Variants in MMP17 observed in about 807,000 individuals in gnomAD.
The protein encoded by MMP17 is matrix metalloproteinase-17.
Under a neutral mutation model 49.1 loss-of-function variants are expected in MMP17, and 54 were observed. The observed-to-expected ratio is 1.10, with a 90% CI of 0.88 to 1.38. The LOEUF (loss-of-function observed/expected upper bound fraction) is 1.38. Ranked by LOEUF, MMP17 falls within the 40% of genes most tolerant of loss-of-function variation. MMP17 has a pLI of 0.00. For synonymous variants in MMP17, 397 were observed against 383.1 expected, an observed-to-expected ratio of 1.04 and a Z score of -0.42; for missense variants, 837 against 853.7, an observed-to-expected ratio of 0.98 and a Z score of 0.24.
chr12:131,834,957 C>T (rs140130297), intron 1 of MMP17, among the ~76,000 whole-genome samples: 3 of 152,186 alleles, frequency 2.0e-5, no homozygotes, highest in Non-Finnish European at 2.9e-5. Context: ...TGGGCGAGGG[C>T]GCCTCGTGGG....
intron 5 of MMP17, among the ~76,000 whole-genome samples, chr12:131,842,139 T>C (rs1887448880): frequency 2.0e-5 from 3 of 152,192 alleles, no homozygotes; most frequent in Admixed American, 2.0e-4. Context: ...ACTTTACAGA[T>C]GAGAAAACTG....
At chr12:131,843,217 C>T (rs1248362950) in intron 5 of MMP17, among the ~76,000 whole-genome samples, 6 of 151,536 alleles carry the variant, frequency 4.0e-5, no homozygotes, top group South Asian at 2.1e-4. Flanking sequence ...CCACCCACCT[C>T]GGCCTCCCAA....
At position 131,838,509 on chromosome 12, in the gene MMP17, G is replaced by A. The variant is rs1456094589; in HGVS notation, c.293-103G>A. ...ATGACGTGGGAGGAGGGGGCGGCTCGGAGGCTGGTGCCAGAGTCAGGGCTC... is the reference window on the plus strand; with the variant it reads ...ATGACGTGGGAGGAGGGGGCGGCTCAGAGGCTGGTGCCAGAGTCAGGGCTC... On this transcript the variant is annotated intron_variant, in intron 2 of 9. Coordinates refer to ENST00000360564, the MANE Select transcript of MMP17 (RefSeq NM_016155.7). The A allele has an allele frequency of 8.8e-6, 13 of 1,483,180 alleles. No individual in the cohort carries two copies. The Admixed American group carries it at 1.2e-4, about 13-fold the overall frequency. 91.9% of individuals were successfully genotyped at this position (1,483,180 alleles called of 1,614,324 possible).
chr12:131,844,958 C>A, intron 6 of MMP17, 160 bp from the exon 7 acceptor site: 2 of 665,028 alleles, frequency 3.0e-6, no homozygotes, highest in Non-Finnish European at 5.2e-6. Flanking sequence ...GGACAGGCAC[C>A]CCCGTTTTAA....
rs1887689130 is a variant in MMP17 at position 131,846,072 on chromosome 12, G to A, written c.1204+623G>A. 6.6e-6 allele frequency among the ~76,000 whole-genome samples: 1 copy of A among 152,196 alleles called. No homozygotes were observed. ...CAAGTCTCCGGGAAGGGCAGGAAAG[G>A]GAGACAGTAGCAGGGGCAGGTGGGG... On this transcript the variant is annotated intron_variant, in intron 8 of 9. Transcript: ENST00000360564. The surrounding 1 kb of genome is among the most constrained non-coding windows in gnomAD (Gnocchi z 4.6).
rs544636398 is a variant in MMP17 at position 131,833,360 on chromosome 12, A to G, written c.159+4707A>G. On this transcript the variant is annotated intron_variant, in intron 1 of 9. Transcript: ENST00000360564. ...GCGTGTATGTGTTCAGGTGTTTGCT[A>G]TTTATCTTCCTCACGATCCCGTCTT... Among the ~76,000 whole-genome samples the G allele has an allele frequency of 5.9e-5, 9 of 152,318 alleles. No homozygotes were observed. In the East Asian group the frequency reaches 1.4e-3, roughly 23 times the overall value.
chr12:131,834,278 G>GCCTCCTC (rs979109577), intron 1 of MMP17, among the ~76,000 whole-genome samples: 16 of 148,312 alleles, frequency 1.1e-4, no homozygotes, highest in African/African-American at 3.7e-4. Flanking sequence ...GCCCCCTCCC[G>GCCTCCTC]CCTCCTCCCT....
rs10751701 is a variant in MMP17 at position 131,846,190 on chromosome 12, C to G, written c.1204+741C>G. ...GAGGCCACGAGTCCGAAATCAAGGG[C>G]TAGGCAGGGTGGGTCCCCTCTGGAG... On this transcript the variant is annotated intron_variant, in intron 8 of 9. Coordinates refer to ENST00000360564, the MANE Select transcript of MMP17 (RefSeq NM_016155.7). The surrounding 1 kb of genome is among the most constrained non-coding windows in gnomAD (Gnocchi z 4.6). Among the ~76,000 whole-genome samples the G allele has an allele frequency of 0.9, 137,616 of 152,108 alleles. 62,527 individuals carry two copies. Among genetic ancestry groups the G allele is most frequent in the East Asian group, 0.97 (5,022 of 5,168 alleles).
intron 1 of MMP17, among the ~76,000 whole-genome samples, chr12:131,835,152 A>G (rs1157306993): frequency 6.6e-6 from 1 of 152,188 alleles, no homozygotes; most frequent in Non-Finnish European, 1.5e-5. Context: ...TTTGGGGCAC[A>G]GCCCCCTGAG....
intron 6 of MMP17, 93 bp from the exon 7 acceptor site, chr12:131,845,025 C>A: frequency 1.5e-6 from 2 of 1,308,996 alleles, no homozygotes; most frequent in South Asian, 1.2e-5. Context: ...GATGCCTGTC[C>A]CATGCCGCTC....
Position 131,851,591 on chromosome 12 carries a change from C to T in MMP17, c.*317C>T, listed in dbSNP as rs1476819538. On this transcript the variant is annotated 3_prime_UTR_variant, in exon 10 of 10. Coordinates refer to ENST00000360564, the MANE Select transcript of MMP17 (RefSeq NM_016155.7). ...AGCATCTCGGGCTGGGGGCCCACCCCTCTCTGTGCCGGCGCCACCAACCCC... is the reference window on the plus strand; with the variant it reads ...AGCATCTCGGGCTGGGGGCCCACCCTTCTCTGTGCCGGCGCCACCAACCCC... The T allele has an allele frequency of 6.2e-6, 2 of 320,800 alleles. No homozygotes were observed. Among genetic ancestry groups the T allele is most frequent in the Non-Finnish European group, 1.1e-5 (2 of 175,432 alleles). 19.9% of individuals were successfully genotyped at this position (320,800 alleles called of 1,614,324 possible).
At chr12:131,847,410 C>T (rs1288300075) in intron 8 of MMP17, among the ~76,000 whole-genome samples, 3 of 139,610 alleles carry the variant, frequency 2.1e-5, no homozygotes, top group African/African-American at 8.3e-5. Context: ...GAGACTCCGT[C>T]TCAAAAAAAA....
At chr12:131,834,143 A>G (rs1234987408) in intron 1 of MMP17, among the ~76,000 whole-genome samples, 1 of 152,116 alleles carries the variant, frequency 6.6e-6, no homozygotes, top group East Asian at 1.9e-4. Context: ...CTGTGTCCCC[A>G]TCTTTGGTAA....
chr12:131,845,494 G>A lies in MMP17; in HGVS notation c.1204+45G>A. The A allele has an allele frequency of 5.2e-6, 8 of 1,525,248 alleles. 1 individual carries two copies. The South Asian group carries it at 1.0e-4, about 19-fold the overall frequency. The allele number at this position is 1,525,248 out of a possible 1,614,324, so 94.5% of individuals were successfully genotyped here. ...GCACTCCGGGCTTCCCGGGCCCTCT[G>A]TCCGCCTCATGGAGGGACGGAGAGG... On this transcript the variant is annotated intron_variant, in intron 8 of 9. Transcript: ENST00000360564.
intron 6 of MMP17, chr12:131,844,492 G>C: frequency 3.7e-6 from 1 of 269,820 alleles, no homozygotes; most frequent in Non-Finnish European, 7.1e-6. Context: ...GGCCCAACTG[G>C]GACGGCCACT....
intron 6 of MMP17, 49 bp from the exon 7 acceptor site, chr12:131,845,069 C>T (rs374881207): frequency 8.7e-6 from 13 of 1,488,474 alleles, no homozygotes; most frequent in African/African-American, 5.8e-5. Context: ...TGCCCTGTCC[C>T]GCGCTGCCCA....
chr12:131,840,325 C>T (rs1001202628), intron 3 of MMP17: 15 of 488,266 alleles, frequency 3.1e-5, no homozygotes, highest in African/African-American at 1.1e-4. Flanking sequence ...CGGGAGCTGA[C>T]GTTTGCCTGT....
rs772073448 is a variant in MMP17 at position 131,843,951 on chromosome 12, G to T, written c.884-46G>T. 3.0e-5 allele frequency: 41 copies of T among 1,384,094 alleles called. No individual in the cohort carries two copies. In the African/African-American group the frequency reaches 5.8e-4, roughly 20 times the overall value. 85.7% of individuals were successfully genotyped at this position (1,384,094 alleles called of 1,614,324 possible). On this transcript the variant is annotated intron_variant, in intron 5 of 9. Coordinates refer to ENST00000360564, the MANE Select transcript of MMP17 (RefSeq NM_016155.7). ...AAGGGCTGGTGGGATGTGGGGGGAG[G>T]CGGGCGTCGGGGGTTTGAGGCCGTC... is the stretch of plus-strand genomic sequence containing the variant.
intron 1 of MMP17, among the ~76,000 whole-genome samples, chr12:131,833,369 C>T (rs1387286950): frequency 6.6e-6 from 1 of 152,256 alleles, no homozygotes; most frequent in African/African-American, 2.4e-5. Flanking sequence ...TATTTATCTT[C>T]CTCACGATCC....
Sources: allele counts gnomAD v4.1 joint callset (sites outside exome capture counted in the v4.1 genomes callset), GRCh38; gene constraint gnomAD v4.1.1; non-coding constraint Gnocchi (gnomAD v3.1); transcripts MANE v1.5; gene names NCBI Gene and HGNC (gene_info 2026-07-23, HGNC 2026-07-21).